Variants in MYO1H observed in about 807,000 individuals in gnomAD.
MYO1H encodes unconventional myosin-Ih.
Under a neutral mutation model 149.3 loss-of-function variants are expected in MYO1H, and 118 were observed. The observed-to-expected ratio is 0.79, with a 90% confidence interval of 0.68 to 0.92. MYO1H has a LOEUF of 0.92. Among genes scored for constraint, MYO1H ranks in the 40% least tolerant of loss-of-function variants. The probability of loss-of-function intolerance (pLI) is 0.00; values close to 1 mark genes in which losing one functional copy is unlikely to be tolerated. For synonymous variants in MYO1H, 447 were observed against 465.2 expected (o/e 0.96, Z 0.50); for missense variants, 1,212 against 1,280.7 (o/e 0.95, Z 0.82).
chr12:109,382,626 A>G (rs1566021863), intron 1 of MYO1H, among the ~76,000 whole-genome samples: 1 of 152,072 alleles, frequency 6.6e-6, no homozygotes, highest in African/African-American at 2.4e-5. Context: ...GTATAGTTTT[A>G]GAGCTCCTAT....
exon 2 of MYO1H, chr12:109,388,724 A>G (rs768703429): frequency 6.2e-7 from 1 of 1,607,970 alleles, no homozygotes; most frequent in East Asian, 2.2e-5. Context: ...TGCACATGGA[A>G]GGGGCGCTGA....
chr12:109,370,707 G>A (rs1868963171), intron 1 of MYO1H, among the ~76,000 whole-genome samples: 1 of 152,166 alleles, frequency 6.6e-6, no homozygotes, highest in Non-Finnish European at 1.5e-5. Flanking sequence ...CAGACCAGTG[G>A]CTTTAGTTAG....
chr12:109,438,708 A>AT, intron 23 of MYO1H, 88 bp downstream of exon 23: 1 of 1,000,894 alleles, frequency 1.0e-6, no homozygotes, highest in Non-Finnish European at 1.5e-6. Flanking sequence ...GTTCTTTGTG[A>AT]TTTTTTGATT....
At chr12:109,394,891 T>C (rs1245746389) in intron 3 of MYO1H, among the ~76,000 whole-genome samples, 2 of 152,136 alleles carry the variant, frequency 1.3e-5, no homozygotes, top group African/African-American at 4.8e-5. Flanking sequence ...GCCTCCTAAG[T>C]AGCCAGGACT....
intron 1 of MYO1H, among the ~76,000 whole-genome samples, chr12:109,379,857 C>G (rs949437089): frequency 1.3e-5 from 2 of 151,072 alleles, no homozygotes; most frequent in Non-Finnish European, 2.9e-5. Flanking sequence ...CTCAGCCTCC[C>G]AAGTAGCTGA....
At position 109,362,009 on chromosome 12, in the gene MYO1H, CGCA is replaced by C. The variant is rs540715332; in HGVS notation, c.12+14040_12+14042del. Reference sequence around the variant, plus strand: ...CAGGGCAAAAATCACAAGTGAATCACGCAGCCATGGGAGTCATTAATAATTGTC... The same window carrying C: ...CAGGGCAAAAATCACAAGTGAATCACGCCATGGGAGTCATTAATAATTGTC... On this transcript the variant is annotated intron_variant, in intron 1 of 31. Transcript: ENST00000310903. Among the ~76,000 whole-genome samples, 199 of 152,220 alleles carry C rather than the reference CGCA, an allele frequency of 1.3e-3. 1 individual carries two copies. The highest frequency in any genetic ancestry group is 2.4e-3 in the Non-Finnish European group (165 of 68,026).
At chr12:109,380,215 T>C (rs1346239969) in intron 1 of MYO1H, among the ~76,000 whole-genome samples, 1 of 152,046 alleles carries the variant, frequency 6.6e-6, no homozygotes, top group East Asian at 1.9e-4. Context: ...ATTTAAAAAA[T>C]AGTTGTTTAC....
intron 17 of MYO1H, 137 bp from the exon 18 acceptor site, chr12:109,425,809 G>A: frequency 1.5e-6 from 1 of 673,064 alleles, no homozygotes; most frequent in Non-Finnish European, 2.6e-6. Flanking sequence ...GGGCCAGATG[G>A]CCACTAGGAA....
At chr12:109,342,566 A>G in the MYO1H span, among the ~76,000 whole-genome samples, 9 of 118,724 alleles carry the variant, frequency 7.6e-5, no homozygotes, top group African/African-American at 2.6e-4. Flanking sequence ...TTTTTGAGAC[A>G]GCGTCATGCT....
chr12:109,331,424 G>A, the MYO1H span, among the ~76,000 whole-genome samples: 1 of 149,004 alleles, frequency 6.7e-6, no homozygotes, highest in Non-Finnish European at 1.5e-5. Context: ...GAAGTTCTGA[G>A]ATTTGGCATG....
chr12:109,430,184 A>T (rs543152777), intron 19 of MYO1H, among the ~76,000 whole-genome samples: 10 of 152,308 alleles, frequency 6.6e-5, no homozygotes, highest in Non-Finnish European at 8.8e-5. Flanking sequence ...AGGTGGGAGC[A>T]GGCTCTAGGG....
At chr12:109,409,880 G>GT in intron 11 of MYO1H, 83 bp from the exon 12 acceptor site, 1 of 801,910 alleles carries the variant, frequency 1.2e-6, no homozygotes, top group Non-Finnish European at 1.9e-6. Flanking sequence ...TTATTAAAAA[G>GT]TATGCCTAAA....
intron 20 of MYO1H, among the ~76,000 whole-genome samples, chr12:109,433,293 G>C (rs7135909): frequency 0.2 from 29,695 of 152,082 alleles, 3,479 homozygotes; most frequent in African/African-American, 0.32. Context: ...ACCAGAGGGG[G>C]CACCTAACGT....
At chr12:109,421,952 A>C (rs755315830) in intron 16 of MYO1H, among the ~76,000 whole-genome samples, 11 of 152,022 alleles carry the variant, frequency 7.2e-5, no homozygotes, top group Admixed American at 2.0e-4. Flanking sequence ...CAGTCTGAGT[A>C]GCTAGGACTT....
rs753824933 is a variant in MYO1H at position 109,424,735 on chromosome 12, T to C, written c.1645-13T>C. The C allele has an allele frequency of 1.2e-6, 2 of 1,611,020 alleles. No individual in the cohort carries two copies. The highest frequency in any genetic ancestry group is 2.2e-5 in the South Asian group (2 of 90,990). On this transcript the variant is annotated splice_polypyrimidine_tract_variant and intron_variant, in intron 16 of 31. Coordinates refer to ENST00000310903, the Ensembl canonical transcript of MYO1H. ...AAACAGCGAACGTGGTACTCATTTC[T>C]CTTCACTTACAGGTGCTGTGCAAGT...
At chr12:109,407,423 AAAGAC>A (rs1870440849) in intron 9 of MYO1H, among the ~76,000 whole-genome samples, 1 of 152,036 alleles carries the variant, frequency 6.6e-6, no homozygotes, top group Non-Finnish European at 1.5e-5. Context: ...CATATGAACC[AAAGAC>A]AAGAGTAGCA....
chr12:109,365,509 T>C (rs1473050745), intron 1 of MYO1H, among the ~76,000 whole-genome samples: 1 of 152,162 alleles, frequency 6.6e-6, no homozygotes, highest in Non-Finnish European at 1.5e-5. Context: ...CCTCGGACAC[T>C]TGGAGCCTCA....
chr12:109,443,730 G>A (rs1340422985), intron 28 of MYO1H, 81 bp downstream of exon 28: 2 of 1,533,978 alleles, frequency 1.3e-6, no homozygotes, highest in Non-Finnish European at 1.8e-6. Flanking sequence ...TCCCAAATGG[G>A]AAACACAAGT....
intron 1 of MYO1H, among the ~76,000 whole-genome samples, chr12:109,363,955 T>A (rs1379641111): frequency 6.6e-6 from 1 of 151,524 alleles, no homozygotes; most frequent in African/African-American, 2.4e-5. Context: ...ATCCCAGCAC[T>A]TTGGGAGGCT....
Sources: gnomAD v4.1 joint callset for allele counts (sites outside exome capture counted in the v4.1 genomes callset) on GRCh38, gnomAD v4.1.1 for gene constraint, MANE v1.5 for transcripts, NCBI Gene and HGNC (gene_info 2026-07-23, HGNC 2026-07-21) for gene names.